The following CFAP20DC variants were observed in gnomAD, a reference collection of about 807,000 sequenced individuals.
CFAP20DC encodes protein CFAP20DC.
Under a neutral mutation model 101.7 loss-of-function variants are expected in CFAP20DC, and 84 were observed. The observed-to-expected ratio is 0.83, with a 90% CI of 0.69 to 0.99. The LOEUF (loss-of-function observed/expected upper bound fraction) is 0.99, where lower values mean the gene tolerates loss of function less well. Among genes scored for constraint, CFAP20DC ranks in the 50% least tolerant of loss-of-function variants. The probability of loss-of-function intolerance (pLI) is 0.00; values close to 1 mark genes in which losing one functional copy is unlikely to be tolerated. For missense variants in CFAP20DC, 1,007 were observed against 970.3 expected (o/e 1.04, Z -0.50); for synonymous variants, 359 against 351.2 (o/e 1.02, Z -0.25).
intron 6 of CFAP20DC, among the ~76,000 whole-genome samples, chr3:58,893,583 T>C (rs2082426207): frequency 6.6e-6 from 1 of 152,228 alleles, no homozygotes; most frequent in African/African-American, 2.4e-5. Flanking sequence ...ATCAAGGATA[T>C]TGGCCTTAAG....
intron 16 of CFAP20DC, among the ~76,000 whole-genome samples, chr3:58,750,439 A>T (rs2068489560): frequency 1.3e-5 from 2 of 152,198 alleles, no homozygotes; most frequent in South Asian, 4.1e-4. Flanking sequence ...CTATTGTGAG[A>T]ATTCAAGTGC....
In CFAP20DC at chr3:59,046,315, T is replaced by C. The variant is rs1469783303; in HGVS notation, c.119A>G (p.Asp40Gly). The C allele has an allele frequency of 2.8e-5, 43 of 1,524,402 alleles. No individual in the cohort carries two copies. Among genetic ancestry groups the C allele is most frequent in the Non-Finnish European group, 6.1e-6 (7 of 1,140,256 alleles). 94.4% of individuals were successfully genotyped at this position (1,524,402 alleles called of 1,614,324 possible). A position where few individuals can be genotyped will look rare whatever the true frequency, so the allele number is the denominator to read the frequency against. The change falls in exon 3 of 17, where the codon GAT (aspartate) becomes GGT (glycine). Residue 40 changes from aspartate to glycine, a missense_variant. Asp to Gly is a moderately conservative substitution (Grantham distance 94). Coordinates refer to ENST00000482387, the MANE Select transcript of CFAP20DC (RefSeq NM_001394063.1). ...AAACACAAAACTTTTAACTTCTTTA[T>C]CAAACTCCTATAGAACAAAATGAAA... ...GSPSVIWKEF[D>G]KEVKSFVFVL...
downstream of CFAP20DC, chr3:58,741,961 T>G (rs1028315974): frequency 4.2e-6 from 2 of 477,568 alleles, no homozygotes; most frequent in African/African-American, 4.2e-5. Context: ...ATAGGAATAT[T>G]CTGGAAAAGA....
intron 4 of CFAP20DC, among the ~76,000 whole-genome samples, chr3:58,997,321 A>G (rs1184351363): frequency 1.3e-5 from 2 of 152,216 alleles, no homozygotes; most frequent in African/African-American, 4.8e-5. Flanking sequence ...TGGAAGCACA[A>G]ATGTTAAACA....
chr3:58,773,157 T>C (rs184371630), intron 15 of CFAP20DC, among the ~76,000 whole-genome samples: 102 of 152,186 alleles, frequency 6.7e-4, no homozygotes, highest in Admixed American at 1.3e-3. Flanking sequence ...ACATAGGTGT[T>C]AGATTGGTCC....
rs1257630303 is a variant in CFAP20DC, at chr3:58,717,833, A to C, written c.198-205T>G. ...GAGACTCTGGGGAGGGCGTATTCTA[A>C]CTGGGTATACTGCAGCCCAAACCAG... On this transcript the variant is annotated intron_variant, in intron 3 of 3. Coordinates refer to the CFAP20DC transcript ENST00000486145. The surrounding 1 kb of genome is among the most constrained non-coding windows in gnomAD (Gnocchi z 4.1). Among the ~76,000 whole-genome samples the C allele has an allele frequency of 6.6e-6, 1 of 152,120 alleles. No individual in the cohort carries two copies. The highest frequency in any genetic ancestry group is 2.4e-5 in the African/African-American group (1 of 41,422).
rs2084450100 is a variant in CFAP20DC at position 58,914,291 on chromosome 3, GA to G, written c.394-428del. Among the ~76,000 whole-genome samples, 1 of 152,160 alleles carries G rather than the reference GA, an allele frequency of 6.6e-6. No individual in the cohort carries two copies. Among genetic ancestry groups the G allele is most frequent in the African/African-American group, 2.4e-5 (1 of 41,434 alleles). On this transcript the variant is annotated intron_variant, in intron 5 of 16. Transcript: ENST00000482387. This position sits in a 1 kb window ranked among gnomAD's most constrained non-coding sequence, Gnocchi z 4.9. ...CGTATTTGTTGAAAAAGGCATGGAT[GA>G]AATTAGAAGCTGGGTTTAAATTATG...
chr3:58,968,601 G>A (rs2091748997), intron 4 of CFAP20DC, among the ~76,000 whole-genome samples: 1 of 151,980 alleles, frequency 6.6e-6, no homozygotes, highest in South Asian at 2.1e-4. Context: ...ATATATTCTG[G>A]ATATAAGACC....
chr3:58,943,074 G>A (rs2088851946), intron 4 of CFAP20DC, among the ~76,000 whole-genome samples: 1 of 152,226 alleles, frequency 6.6e-6, no homozygotes, highest in Non-Finnish European at 1.5e-5. Flanking sequence ...AGCAGCTCCA[G>A]TCAGGCACTT....
At chr3:58,900,026 T>C (rs1328721467) in intron 6 of CFAP20DC, among the ~76,000 whole-genome samples, 2 of 152,146 alleles carry the variant, frequency 1.3e-5, no homozygotes, top group Non-Finnish European at 2.9e-5. Context: ...TCTAATAGCA[T>C]AAGGCGTCAG....
intron 4 of CFAP20DC, among the ~76,000 whole-genome samples, chr3:58,939,869 C>T (rs528090858): frequency 1.3e-5 from 2 of 150,110 alleles, no homozygotes; most frequent in South Asian, 4.2e-4. Flanking sequence ...CAGGTTCAAG[C>T]GATTCTCCTG....
chr3:59,039,352 G>A (rs1220092510), intron 4 of CFAP20DC, among the ~76,000 whole-genome samples: 1 of 151,970 alleles, frequency 6.6e-6, no homozygotes, highest in East Asian at 1.9e-4. Context: ...GATGAAATTT[G>A]CTTTCTTTTC....
chr3:58,749,534 T>C (rs2068426909), intron 16 of CFAP20DC, among the ~76,000 whole-genome samples: 1 of 152,218 alleles, frequency 6.6e-6, no homozygotes. Context: ...CCCATTTATA[T>C]CTCATGGGAG....
intron 5 of CFAP20DC, among the ~76,000 whole-genome samples, chr3:58,928,780 G>T (rs1424745217): frequency 1.3e-5 from 2 of 152,168 alleles, no homozygotes; most frequent in Non-Finnish European, 2.9e-5. Flanking sequence ...CAGAAGGAAA[G>T]TTCTAGATAT....
At position 58,810,322 on chromosome 3, in the gene CFAP20DC, A is replaced by G. The variant is rs1273794965; in HGVS notation, c.2176-3866T>C. Among the ~76,000 whole-genome samples the G allele has an allele frequency of 1.9e-3, 293 of 152,236 alleles. 2 individuals carry two copies. Among genetic ancestry groups the G allele is most frequent in the African/African-American group, 6.7e-3 (278 of 41,544 alleles). ...ATCCTCAATAAAATACTGGCAAACC[A>G]AATCCAGCAGCATATCAAAAAGCTT... On this transcript the variant is annotated intron_variant, in intron 14 of 16. Transcript: ENST00000482387.
intron 4 of CFAP20DC, among the ~76,000 whole-genome samples, chr3:59,008,621 A>G (rs2093498394): frequency 1.3e-5 from 2 of 152,242 alleles, no homozygotes; most frequent in South Asian, 4.2e-4. Context: ...CAAAAAACCA[A>G]ACACAGCATG....
chr3:59,043,149 G>T (rs1171400776), intron 3 of CFAP20DC, among the ~76,000 whole-genome samples: 1 of 152,150 alleles, frequency 6.6e-6, no homozygotes, highest in African/African-American at 2.4e-5. Flanking sequence ...GAGTAAGACA[G>T]AGATGGCATT....
intron 15 of CFAP20DC, among the ~76,000 whole-genome samples, chr3:58,790,048 A>T (rs1399972402): frequency 6.6e-6 from 1 of 152,184 alleles, no homozygotes; most frequent in Non-Finnish European, 1.5e-5. Flanking sequence ...TATTCTTATT[A>T]ATATTGATGT....
intron 4 of CFAP20DC, among the ~76,000 whole-genome samples, chr3:58,947,339 G>C (rs139328709): frequency 1.3e-5 from 2 of 152,296 alleles, no homozygotes; most frequent in African/African-American, 4.8e-5. Context: ...CCTTTTGCAG[G>C]ATATACCTGA....
Sources: allele counts gnomAD v4.1 joint callset (sites outside exome capture counted in the v4.1 genomes callset), GRCh38; gene constraint gnomAD v4.1.1; non-coding constraint Gnocchi (gnomAD v3.1); transcripts MANE v1.5; gene names NCBI Gene and HGNC (gene_info 2026-07-23, HGNC 2026-07-21).